DNAH17: variants seen among roughly 807,000 people sequenced by gnomAD.
DNAH17 encodes dynein axonemal heavy chain 17.
In DNAH17, 376 loss-of-function variants were observed where a neutral mutation model predicts 485.6. That is an observed-to-expected ratio of 0.77 (90% confidence interval 0.71 to 0.84). The LOEUF (loss-of-function observed/expected upper bound fraction) is 0.84. DNAH17 is among the 40% of genes least tolerant of loss of function. DNAH17 has a pLI of 0.00. For synonymous variants in DNAH17, 3,031 were observed against 2,405.9 expected (o/e 1.26, Z -7.60); for missense variants, 6,370 against 5,839.3 (o/e 1.09, Z -2.96).
chr17:78,495,767 T>TC (rs2090048058), intron 38 of DNAH17, 108 bp downstream of exon 38: 1 of 1,359,386 alleles, frequency 7.4e-7, no homozygotes, highest in African/African-American at 1.5e-5. Flanking sequence ...ACTTCTTCCC[T>TC]CCCCAGCTTG....
At chr17:78,570,868 A>G (rs2092343587) in intron 6 of DNAH17, 80 bp downstream of exon 6, 9 of 752,444 alleles carry the variant, frequency 1.2e-5, no homozygotes, top group Non-Finnish European at 9.7e-6. Context: ...AAAAAAAAAA[A>G]AAAAAAAAAA....
intron 71 of DNAH17, among the ~76,000 whole-genome samples, chr17:78,442,928 A>T (rs1038929557): frequency 1.3e-5 from 2 of 152,198 alleles, no homozygotes; most frequent in Admixed American, 1.3e-4. Context: ...CTTTGTTATT[A>T]GTCACGTCTG....
intron 25 of DNAH17, among the ~76,000 whole-genome samples, chr17:78,524,280 G>T (rs960521361): frequency 6.6e-6 from 1 of 152,158 alleles, no homozygotes; most frequent in Non-Finnish European, 1.5e-5. Flanking sequence ...TGGGATTACA[G>T]GTGCACACCA....
intron 48 of DNAH17, among the ~76,000 whole-genome samples, chr17:78,483,235 C>G (rs1223230394): frequency 6.6e-6 from 1 of 152,240 alleles, no homozygotes; most frequent in Non-Finnish European, 1.5e-5. Context: ...GTCCCCACAT[C>G]ACAGCCTGCA....
Position 78,538,762 on chromosome 17 carries a change from T to C in DNAH17, c.2676+975A>G, listed in dbSNP as rs139199119. On this transcript the variant is annotated intron_variant, in intron 18 of 80. Transcript: ENST00000389840. ...ACTTTCGTCAACTGAATTTTGGGTC[T>C]GTGACTGGTTACCAGCTGGCATCTG... 3.8e-3 allele frequency among the ~76,000 whole-genome samples: 576 copies of C among 152,330 alleles called. 3 individuals carry two copies. Among genetic ancestry groups the C allele is most frequent in the African/African-American group, 0.013 (531 of 41,558 alleles).
chr17:78,486,531 G>A (rs2089616998), intron 44 of DNAH17, 25 bp from the exon 45 acceptor site: 1 of 1,579,644 alleles, frequency 6.3e-7, no homozygotes, highest in Non-Finnish European at 8.6e-7. Flanking sequence ...AGGCGCCGAT[G>A]ACACAGCCGC....
At chr17:78,560,968 G>T in intron 12 of DNAH17, 33 bp from the exon 13 acceptor site, 2 of 1,534,254 alleles carry the variant, frequency 1.3e-6, no homozygotes, top group Non-Finnish European at 1.8e-6. Flanking sequence ...AGGCCCCACT[G>T]GATATCTCCT....
chr17:78,561,603 G>C, intron 12 of DNAH17, 112 bp downstream of exon 12: 2 of 1,310,488 alleles, frequency 1.5e-6, no homozygotes, highest in East Asian at 2.6e-5. Flanking sequence ...GCTCTGGGAG[G>C]TAACAGTCTG....
intron 14 of DNAH17, among the ~76,000 whole-genome samples, chr17:78,557,512 G>T (rs150898421): frequency 6.6e-6 from 1 of 151,520 alleles, no homozygotes; most frequent in Non-Finnish European, 1.5e-5. Flanking sequence ...GGTGGTACAC[G>T]CCTGTAGTCC....
chr17:78,436,888 C>T (rs1568048328), intron 74 of DNAH17, among the ~76,000 whole-genome samples: 1 of 151,542 alleles, frequency 6.6e-6, no homozygotes. Flanking sequence ...AAACACGTGG[C>T]CAGGAAGGCT....
intron 77 of DNAH17, chr17:78,428,231 G>C (rs2086546587): frequency 2.2e-6 from 1 of 456,994 alleles, no homozygotes; most frequent in Non-Finnish European, 4.1e-6. Flanking sequence ...AGCTAGGGAA[G>C]CTGGAAGACT....
intron 22 of DNAH17, among the ~76,000 whole-genome samples, chr17:78,528,245 G>T (rs904988401): frequency 1.1e-4 from 16 of 152,230 alleles, no homozygotes; most frequent in African/African-American, 3.6e-4. Flanking sequence ...GGACGGCTGA[G>T]AACCTGCTCA....
At chr17:78,523,954 C>A (rs77205862) in intron 25 of DNAH17, among the ~76,000 whole-genome samples, 1 of 152,112 alleles carries the variant, frequency 6.6e-6, no homozygotes, top group African/African-American at 2.4e-5. Flanking sequence ...ATGCTGGCAT[C>A]GTTAGTCAGT....
chr17:78,438,429 A>AGGAGGGAGGAGGAGGAG (rs1568050654), intron 73 of DNAH17, among the ~76,000 whole-genome samples: 1 of 4,970 alleles, frequency 2.0e-4, no homozygotes. Flanking sequence ...GAGGAGAAGG[A>AGGAGGGAGGAGGAGGAG]GGAGGAGGAG....
intron 69 of DNAH17, among the ~76,000 whole-genome samples, chr17:78,447,509 A>C (rs535224396): frequency 3.3e-5 from 5 of 152,344 alleles, no homozygotes; most frequent in African/African-American, 1.2e-4. Context: ...GGCCACTGCC[A>C]TCTCCTCAGT....
intron 56 of DNAH17, among the ~76,000 whole-genome samples, chr17:78,466,031 C>A (rs1016010298): frequency 7.9e-5 from 12 of 152,048 alleles, no homozygotes; most frequent in African/African-American, 2.7e-4. Context: ...GGATGGTTGC[C>A]GTGTCTGTGT....
chr17:78,561,291 G>A (rs1006440921), intron 12 of DNAH17, among the ~76,000 whole-genome samples: 1 of 150,562 alleles, frequency 6.6e-6, no homozygotes, highest in South Asian at 2.1e-4. Context: ...CCACATAAAA[G>A]GCCCCCCTCC....
At chr17:78,560,199 T>C (rs1260512040) in intron 13 of DNAH17, among the ~76,000 whole-genome samples, 1 of 152,144 alleles carries the variant, frequency 6.6e-6, no homozygotes, top group East Asian at 1.9e-4. Flanking sequence ...CACATACATG[T>C]AGTAGGTGCT....
intron 36 of DNAH17, chr17:78,499,985 C>G: frequency 3.7e-6 from 1 of 268,564 alleles, no homozygotes; most frequent in South Asian, 4.7e-5. Flanking sequence ...CCATGCTGAA[C>G]CATGAGGGAG....
Sources: gnomAD v4.1 joint callset for allele counts (sites outside exome capture counted in the v4.1 genomes callset) on GRCh38, gnomAD v4.1.1 for gene constraint, MANE v1.5 for transcripts, NCBI Gene and HGNC (gene_info 2026-07-23, HGNC 2026-07-21) for gene names.